TMEM266: variants seen among roughly 807,000 people sequenced by gnomAD.
The protein encoded by TMEM266 is Hv1 related protein 1.
In TMEM266, 33 loss-of-function variants were observed where a neutral mutation model predicts 50.5. The ratio of observed to expected loss-of-function variants is 0.65; its 90% CI spans 0.50 to 0.87. The LOEUF (loss-of-function observed/expected upper bound fraction) is 0.87. TMEM266 is among the 40% of genes least tolerant of loss of function. The pLI, the probability that TMEM266 is intolerant of heterozygous loss-of-function variation, is 0.00. For missense variants in TMEM266, 655 were observed against 695.1 expected, an observed-to-expected ratio of 0.94 and a Z score of 0.65; for synonymous variants, 310 against 292.3, an observed-to-expected ratio of 1.06 and a Z score of -0.62.
At chr15:76,144,320 G>A (rs12905758) in intron 3 of TMEM266, among the ~76,000 whole-genome samples, 8,667 of 152,074 alleles carry the variant, frequency 0.057, 335 homozygotes, top group Non-Finnish European at 0.079. Flanking sequence ...AAAGCTACAC[G>A]AAGCCTGCTG....
intron 3 of TMEM266, among the ~76,000 whole-genome samples, chr15:76,144,784 C>T (rs926003173): frequency 2.0e-5 from 3 of 152,168 alleles, no homozygotes; most frequent in South Asian, 2.1e-4. Context: ...TGTCCACAGA[C>T]GTGAACAGAC....
At chr15:76,136,712 G>A (rs970173103) in intron 2 of TMEM266, among the ~76,000 whole-genome samples, 6 of 152,162 alleles carry the variant, frequency 3.9e-5, no homozygotes, top group Non-Finnish European at 8.8e-5. Flanking sequence ...CATACTGGAT[G>A]GACCGAAGAT....
chr15:76,150,758 T>C (rs1482756576), intron 3 of TMEM266, among the ~76,000 whole-genome samples: 1 of 152,196 alleles, frequency 6.6e-6, no homozygotes, highest in Non-Finnish European at 1.5e-5. Flanking sequence ...GTGCCAGGCT[T>C]GGGAACGCTG....
chr15:76,083,913 T>A (rs2036732283), intron 1 of TMEM266, among the ~76,000 whole-genome samples: 1 of 152,182 alleles, frequency 6.6e-6, no homozygotes, highest in Non-Finnish European at 1.5e-5. Context: ...TTATAATGCT[T>A]TGAGCAGAGT....
intron 4 of TMEM266, 76 bp downstream of exon 4, chr15:76,156,834 C>T (rs562415919): frequency 2.7e-6 from 4 of 1,472,754 alleles, no homozygotes; most frequent in Admixed American, 3.5e-5. Context: ...CATCAGGGGT[C>T]CCCAACCTGC....
chr15:76,140,811 G>T (rs920967988), intron 3 of TMEM266, among the ~76,000 whole-genome samples: 1 of 150,810 alleles, frequency 6.6e-6, no homozygotes, highest in Non-Finnish European at 1.5e-5. Flanking sequence ...GAGGTGAGAG[G>T]ATCACTTGAG....
intron 8 of TMEM266, chr15:76,180,843 A>C (rs1176075173): frequency 6.6e-6 from 1 of 151,402 alleles, no homozygotes; most frequent in African/African-American, 2.4e-5. Context: ...CAAACTCCTG[A>C]CCTCAGGTGA....
In TMEM266 at chr15:76,137,792, C is replaced by G. The variant is rs1596128064; in HGVS notation, c.124C>G (p.Leu42Val). ...VQLVNFAYRD[L>V]PLAAVDLSTA... ...AACCAAGAGCATTGCTCCTGTGCAGCTGGTGAACTTTGCCTATCGGGACTT... is the reference window on the plus strand; with the variant it reads ...AACCAAGAGCATTGCTCCTGTGCAGGTGGTGAACTTTGCCTATCGGGACTT... The change falls in exon 3 of 11, where the codon CTG becomes GTG. Residue 42 changes from leucine (L) to valine (V), a missense_variant. Transcript: ENST00000388942. The G allele has an allele frequency of 6.2e-7, 1 of 1,614,148 alleles. No homozygotes were observed. Among genetic ancestry groups the G allele is most frequent in the East Asian group, 2.2e-5 (1 of 44,874 alleles).
intron 1 of TMEM266, among the ~76,000 whole-genome samples, chr15:76,118,545 C>T (rs560516557): frequency 2.2e-4 from 33 of 152,246 alleles, no homozygotes; most frequent in South Asian, 1.5e-3. Context: ...GGCATCAGAG[C>T]GAGACTCTGT....
rs7172778 is a variant in TMEM266, at chr15:76,082,370, G to C, written c.-97+22354G>C. On this transcript the variant is annotated intron_variant, in intron 1 of 10. Coordinates refer to ENST00000388942, the MANE Select transcript of TMEM266 (RefSeq NM_152335.3). ...GGCTTCTGGTGAGGTTTTCAGTAAAGGTTTTCATTCATTAACAGTGGTAGA... is the reference window on the plus strand; with the variant it reads ...GGCTTCTGGTGAGGTTTTCAGTAAACGTTTTCATTCATTAACAGTGGTAGA... 8.7e-3 allele frequency among the ~76,000 whole-genome samples: 1,322 copies of C among 152,232 alleles called. 16 individuals carry two copies. Among genetic ancestry groups the C allele is most frequent in the African/African-American group, 0.03 (1,240 of 41,530 alleles).
At chr15:76,181,070 G>A (rs2038396819) in intron 8 of TMEM266, 1 of 152,222 alleles carries the variant, frequency 6.6e-6, no homozygotes. Flanking sequence ...CCACATGCAA[G>A]GTGCTCCAGA....
intron 1 of TMEM266, among the ~76,000 whole-genome samples, chr15:76,131,321 C>G (rs1489735351): frequency 6.6e-6 from 1 of 152,234 alleles, no homozygotes; most frequent in Non-Finnish European, 1.5e-5. Context: ...GAGCTGAGAT[C>G]ACGCCTCTGC....
intron 1 of TMEM266, among the ~76,000 whole-genome samples, chr15:76,073,233 CTT>C (rs57465474): frequency 1.2e-3 from 163 of 135,026 alleles, no homozygotes; most frequent in Admixed American, 2.0e-3. Context: ...GCCCGGCCTT[CTT>C]TTTTTTTTTT....
chr15:76,191,973 G>T lies in TMEM266; in HGVS notation c.774G>T (p.Glu258Asp), dbSNP rs745773664. The T allele has an allele frequency of 6.3e-7, 1 of 1,582,726 alleles. No individual in the cohort carries two copies. Reference sequence around the variant, plus strand: ...TTGCCCGTCTCCCTCCGCAGTTTGAGATCCGGCAGCTGCGCGCGCACCTGG... The same window carrying T: ...TTGCCCGTCTCCCTCCGCAGTTTGATATCCGGCAGCTGCGCGCGCACCTGG... Residue 258 changes from glutamate (E) to aspartate (D), a missense_variant, in exon 9 of 11, where the codon GAG (glutamate) becomes GAT (aspartate). Coordinates refer to ENST00000388942, the MANE Select transcript of TMEM266 (RefSeq NM_152335.3).
At chr15:76,189,771 G>A (rs113107509) in intron 8 of TMEM266, among the ~76,000 whole-genome samples, 60 of 152,358 alleles carry the variant, frequency 3.9e-4, no homozygotes, top group African/African-American at 1.3e-3. Flanking sequence ...GGCTCTGCAT[G>A]TGGGCACTGG....
chr15:76,096,961 TCC>T (rs1567149387), intron 1 of TMEM266, among the ~76,000 whole-genome samples: 6 of 137,312 alleles, frequency 4.4e-5, no homozygotes, highest in Non-Finnish European at 4.7e-5. Context: ...CTTTCCATTT[TCC>T]TGGTAAATAT....
At chr15:76,200,514 A>G (rs960286473) in intron 9 of TMEM266, among the ~76,000 whole-genome samples, 1 of 152,214 alleles carries the variant, frequency 6.6e-6, no homozygotes, top group African/African-American at 2.4e-5. Context: ...TCCTCCTGCA[A>G]GTGGCTCTTG....
At chr15:76,090,406 C>T (rs940116205) in intron 1 of TMEM266, among the ~76,000 whole-genome samples, 6 of 148,474 alleles carry the variant, frequency 4.0e-5, no homozygotes, top group African/African-American at 1.5e-4. Context: ...GCAGGAGGAT[C>T]ACTTGAACTT....
intron 3 of TMEM266, among the ~76,000 whole-genome samples, chr15:76,143,215 G>A (rs1014382072): frequency 2.6e-4 from 40 of 151,970 alleles, no homozygotes; most frequent in Non-Finnish European, 4.4e-5. Flanking sequence ...CTCCAGTCTC[G>A]TGTCCTCCCC....
Sources: gnomAD v4.1 joint callset for allele counts (sites outside exome capture counted in the v4.1 genomes callset) on GRCh38, gnomAD v4.1.1 for gene constraint, MANE v1.5 for transcripts, NCBI Gene and HGNC (gene_info 2026-07-23, HGNC 2026-07-21) for gene names.